The following DPYSL2 variants were observed in gnomAD, a reference collection of about 807,000 sequenced individuals.
DPYSL2 encodes the protein dihydropyrimidinase like 2.
DPYSL2 carries 13 observed loss-of-function variants against 69.9 expected under a neutral mutation model. That is an observed-to-expected ratio of 0.19 (90% confidence interval 0.12 to 0.30). The LOEUF is 0.30. Ranked by LOEUF, DPYSL2 falls within the 10% of genes least tolerant of loss-of-function variation. The pLI, the probability that DPYSL2 is intolerant of heterozygous loss-of-function variation, is 1.00. For missense variants in DPYSL2, 587 were observed against 918.9 expected (o/e 0.64, Z 4.67); for synonymous variants, 326 against 359.1 (o/e 0.91, Z 1.04).
chr8:26,569,103 TCCCA>T (rs1400504342), intron 1 of DPYSL2, among the ~76,000 whole-genome samples: 1 of 151,986 alleles, frequency 6.6e-6, no homozygotes, highest in Non-Finnish European at 1.5e-5. Context: ...CCAACTGTAA[TCCCA>T]CTGCTTTGGG....
At chr8:26,589,903 C>T (rs73226171) in intron 3 of DPYSL2, among the ~76,000 whole-genome samples, 1 of 152,172 alleles carries the variant, frequency 6.6e-6, no homozygotes, top group Non-Finnish European at 1.5e-5. Flanking sequence ...TGGGCTTGTC[C>T]CGGCTCTTCC....
rs115824923 is a variant in DPYSL2, at chr8:26,580,313, A to C, written c.355-1656A>C. On this transcript the variant is annotated intron_variant, in intron 1 of 13. Coordinates refer to ENST00000521913, the MANE Select transcript of DPYSL2 (RefSeq NM_001197293.3). This position sits in a 1 kb window ranked among gnomAD's most constrained non-coding sequence, Gnocchi z 4.1. ...TTTGAGTGACCTGGGCAAGTGGCCT[A>C]ACCTCTCTGAGCCTCAGTTTCCTTA... is the stretch of plus-strand genomic sequence containing the variant. Among the ~76,000 whole-genome samples the C allele has an allele frequency of 0.013, 1,988 of 152,290 alleles. 46 individuals carry two copies. Among genetic ancestry groups the C allele is most frequent in the African/African-American group, 0.043 (1,801 of 41,554 alleles).
In DPYSL2 at chr8:26,644,016, G is replaced by A. The variant is rs1375336166; in HGVS notation, c.1350G>A (p.Lys450=). Residue 450 remains lysine (K), a synonymous_variant, in exon 10 of 14, where the codon AAG becomes AAA. Coordinates refer to ENST00000521913, the MANE Select transcript of DPYSL2 (RefSeq NM_001197293.3). The surrounding 1 kb of genome is among the most constrained non-coding windows in gnomAD (Gnocchi z 4.5). ...TFNTAQKAVG[K]DNFTLIPEGT... Reference sequence around the variant, plus strand: ...ACACTGCCCAGAAGGCTGTAGGAAAGGACAACTTCACCCTGATTCCGGAGG... The same window carrying A: ...ACACTGCCCAGAAGGCTGTAGGAAAAGACAACTTCACCCTGATTCCGGAGG... 6.2e-7 allele frequency: 1 copy of A among 1,614,262 alleles called. No individual in the cohort carries two copies. Among genetic ancestry groups the A allele is most frequent in the South Asian group, 1.1e-5 (1 of 91,084 alleles).
At position 26,556,032 on chromosome 8, in the gene DPYSL2, GTA is replaced by G. The variant is rs1360653720; in HGVS notation, c.355-25928_355-25927del. Among the ~76,000 whole-genome samples the G allele has an allele frequency of 5.0e-3, 464 of 93,134 alleles. 3 individuals carry two copies. Among genetic ancestry groups the G allele is most frequent in the Middle Eastern group, 0.028 (5 of 176 alleles). The allele number at this position is 93,134 out of a possible 152,430, so 61.1% of individuals were successfully genotyped here. A position where few individuals can be genotyped will look rare whatever the true frequency, so the allele number is the denominator to read the frequency against. On this transcript the variant is annotated intron_variant, in intron 1 of 13. Transcript: ENST00000521913. ...ATTATATATATAAATATATATATAA[GTA>G]TATATATAGTTTATAGTATATATAA...
At chr8:26,527,454 C>G (rs922216596) in intron 1 of DPYSL2, among the ~76,000 whole-genome samples, 7 of 151,722 alleles carry the variant, frequency 4.6e-5, no homozygotes, top group Non-Finnish European at 1.0e-4. Context: ...AGGTGAAATC[C>G]CTTTGGAATC....
chr8:26,607,770 C>A (rs1460750692), intron 3 of DPYSL2, among the ~76,000 whole-genome samples: 1 of 151,272 alleles, frequency 6.6e-6, no homozygotes, highest in East Asian at 1.9e-4. Context: ...CAAAGCAAGA[C>A]CCTGTGTCAA....
In DPYSL2 at chr8:26,652,792, A is replaced by G. The variant is rs1803304969; in HGVS notation, c.1776+356A>G. Among the ~76,000 whole-genome samples the G allele has an allele frequency of 6.6e-6, 1 of 152,166 alleles. No homozygotes were observed. Among genetic ancestry groups the G allele is most frequent in the African/African-American group, 2.4e-5 (1 of 41,436 alleles). ...TTTGTCAAGTCAAAGAAGGGAGATGAGGGAATTTGATAAGAGTATCATGAG... is the reference window on the plus strand; with the variant it reads ...TTTGTCAAGTCAAAGAAGGGAGATGGGGGAATTTGATAAGAGTATCATGAG... On this transcript the variant is annotated intron_variant, in intron 12 of 13. Transcript: ENST00000521913. This position sits in a 1 kb window ranked among gnomAD's most constrained non-coding sequence, Gnocchi z 6.3.
In DPYSL2 at chr8:26,641,825, C is replaced by G. The variant is rs1423928027; in HGVS notation, c.1127-1614C>G. Among the ~76,000 whole-genome samples the G allele has an allele frequency of 6.6e-6, 1 of 152,208 alleles. No individual in the cohort carries two copies. The highest frequency in any genetic ancestry group is 2.4e-5 in the African/African-American group (1 of 41,446). ...GCTGCCTGCTGTGGCCTCCAGCACT[C>G]CCCAGCTGAACAGCGAGTCCTTTGT... On this transcript the variant is annotated intron_variant, in intron 8 of 13. Transcript: ENST00000521913. This position sits in a 1 kb window ranked among gnomAD's most constrained non-coding sequence, Gnocchi z 4.1.
At chr8:26,592,577 G>A (rs1286691923) in intron 3 of DPYSL2, among the ~76,000 whole-genome samples, 2 of 151,130 alleles carry the variant, frequency 1.3e-5, no homozygotes, top group African/African-American at 4.9e-5. Flanking sequence ...CCAGGTACAA[G>A]CCATTCTCCT....
In DPYSL2 at chr8:26,515,673, G is replaced by C. The variant is rs1197070215; in HGVS notation, c.354+994G>C. Among the ~76,000 whole-genome samples, 3 of 152,198 alleles carry C rather than the reference G, an allele frequency of 2.0e-5. No homozygotes were observed. The East Asian group carries it at 5.8e-4, about 29-fold the overall frequency. On this transcript the variant is annotated intron_variant, in intron 1 of 13. Transcript: ENST00000521913. ...TTATCTGAGTGATCCTTACACTAGT[G>C]TAATTCTTTTCCACAGCCTTAATTT...
In DPYSL2 at chr8:26,573,829, T is replaced by G. The variant is rs534118817; in HGVS notation, c.355-8140T>G. On this transcript the variant is annotated intron_variant, in intron 1 of 13. Transcript: ENST00000521913. ...TCCAGCCTGGGCGACAGAGTGAGAC[T>G]CCACCTCAAAAAAAAAAAAAAAAAA... 2.7e-4 allele frequency among the ~76,000 whole-genome samples: 23 copies of G among 85,278 alleles called. 1 individual carries two copies. In the South Asian group the frequency reaches 0.012, roughly 46 times the overall value. 55.9% of individuals were successfully genotyped at this position (85,278 alleles called of 152,430 possible).
At chr8:26,530,034 C>G (rs183995380) in intron 1 of DPYSL2, among the ~76,000 whole-genome samples, 1 of 147,434 alleles carries the variant, frequency 6.8e-6, no homozygotes, top group African/African-American at 2.5e-5. Context: ...ATTGCTTGAG[C>G]CCGGGAGGTG....
chr8:26,638,155 G>A (rs1205019790), intron 8 of DPYSL2: 2 of 152,196 alleles, frequency 1.3e-5, no homozygotes, highest in African/African-American at 4.8e-5. Context: ...TGCGTACCAG[G>A]AAAATAAATG....
At position 26,591,895 on chromosome 8, in the gene DPYSL2, G is replaced by T. The variant is rs17055486; in HGVS notation, c.628+7912G>T. 1.3e-5 allele frequency among the ~76,000 whole-genome samples: 2 copies of T among 152,150 alleles called. No homozygotes were observed. The highest frequency in any genetic ancestry group is 2.9e-5 in the Non-Finnish European group (2 of 68,022). Reference sequence around the variant, plus strand: ...AAAGCTTGCAATGCGATTGGTCCTGGTGTAGCCTCCGTGTTGAGTTGTAGG... The same window carrying T: ...AAAGCTTGCAATGCGATTGGTCCTGTTGTAGCCTCCGTGTTGAGTTGTAGG... On this transcript the variant is annotated intron_variant, in intron 3 of 13. Coordinates refer to ENST00000521913, the MANE Select transcript of DPYSL2 (RefSeq NM_001197293.3). This position sits in a 1 kb window ranked among gnomAD's most constrained non-coding sequence, Gnocchi z 5.8.
rs1801410293 is a variant in DPYSL2, at chr8:26,578,454, A to C, written c.355-3515A>C. The stretch of plus-strand genomic sequence containing the variant: ...TGGTGATGGTGGTGGTGGTTGTGGG[A>C]GATGCAGTGATCCAGGATTAGAAGT... On this transcript the variant is annotated intron_variant, in intron 1 of 13. Transcript: ENST00000521913. 1.6e-5 allele frequency: 24 copies of C among 1,481,696 alleles called. No homozygotes were observed. The South Asian group carries it at 3.3e-4, about 20-fold the overall frequency. 91.8% of individuals were successfully genotyped at this position (1,481,696 alleles called of 1,614,324 possible).
chr8:26,523,249 C>G (rs914905465), intron 1 of DPYSL2, among the ~76,000 whole-genome samples: 11 of 151,676 alleles, frequency 7.3e-5, no homozygotes, highest in African/African-American at 2.7e-4. Context: ...AGGCAGCAAC[C>G]AACAAGCTGA....
At chr8:26,537,125 C>T (rs552014108) in intron 1 of DPYSL2, among the ~76,000 whole-genome samples, 25 of 151,892 alleles carry the variant, frequency 1.6e-4, no homozygotes, top group Admixed American at 2.6e-4. Flanking sequence ...AAATTAATGT[C>T]AAAGGGCTAT....
chr8:26,543,035 G>A (rs569687126), intron 1 of DPYSL2, among the ~76,000 whole-genome samples: 18 of 152,204 alleles, frequency 1.2e-4, no homozygotes, highest in Admixed American at 3.3e-4. Flanking sequence ...CCTCTTTTGG[G>A]ACAAAAATTT....
chr8:26,514,262 G>A lies in DPYSL2; in HGVS notation c.-64G>A, dbSNP rs1455637929. 8.1e-6 allele frequency: 11 copies of A among 1,356,890 alleles called. No individual in the cohort carries two copies. The highest frequency in any genetic ancestry group is 2.8e-5 in the East Asian group (1 of 35,842). 84.1% of individuals were successfully genotyped at this position (1,356,890 alleles called of 1,614,324 possible). A position where few individuals can be genotyped will look rare whatever the true frequency, so the allele number is the denominator to read the frequency against. On this transcript the variant is annotated 5_prime_UTR_variant, in exon 1 of 14. Transcript: ENST00000521913. This position sits in a 1 kb window ranked among gnomAD's most constrained non-coding sequence, Gnocchi z 8.4. Reference sequence around the variant, plus strand: ...GCTAGGGGGCTTGTGCACACAGCGAGGGAGACTTAGGGACTGGCAGACGGA... The same window carrying A: ...GCTAGGGGGCTTGTGCACACAGCGAAGGAGACTTAGGGACTGGCAGACGGA...
Sources: gnomAD v4.1 joint callset for allele counts (sites outside exome capture counted in the v4.1 genomes callset) on GRCh38, gnomAD v4.1.1 for gene constraint, Gnocchi (gnomAD v3.1) non-coding constraint, MANE v1.5 for transcripts, NCBI Gene and HGNC (gene_info 2026-07-23, HGNC 2026-07-21) for gene names.